ZNF385B: variants seen among roughly 807,000 people sequenced by gnomAD.
The protein encoded by ZNF385B is zinc finger protein 385B.
In ZNF385B, 23 loss-of-function variants were observed where a neutral mutation model predicts 39.2. The ratio of observed to expected loss-of-function variants is 0.59; its 90% CI spans 0.42 to 0.83. The LOEUF is 0.83. ZNF385B is among the 40% of genes least tolerant of loss of function. ZNF385B has a pLI of 0.00. For synonymous variants in ZNF385B, 205 were observed against 222.6 expected, an observed-to-expected ratio of 0.92 and a Z score of 0.70; for missense variants, 552 against 598.9, an observed-to-expected ratio of 0.92 and a Z score of 0.82.
chr2:179,647,743 T>C (rs1023291560), intron 3 of ZNF385B, among the ~76,000 whole-genome samples: 1 of 152,152 alleles, frequency 6.6e-6, no homozygotes, highest in Non-Finnish European at 1.5e-5. Context: ...TAATCACTGA[T>C]TACTCTCACT....
intron 3 of ZNF385B, among the ~76,000 whole-genome samples, chr2:179,664,987 A>C (rs571016748): frequency 2.0e-5 from 3 of 152,318 alleles, no homozygotes; most frequent in African/African-American, 7.2e-5. Context: ...ACAGTTTATA[A>C]AAACTTGGAT....
At chr2:179,738,375 A>T (rs1701892289) in intron 3 of ZNF385B, among the ~76,000 whole-genome samples, 1 of 152,130 alleles carries the variant, frequency 6.6e-6, no homozygotes, top group Non-Finnish European at 1.5e-5. Context: ...TCTGCATTTC[A>T]CCCAAACTCC....
intron 3 of ZNF385B, among the ~76,000 whole-genome samples, chr2:179,698,227 A>C (rs1482166590): frequency 6.6e-6 from 1 of 152,222 alleles, no homozygotes; most frequent in Non-Finnish European, 1.5e-5. Context: ...TACATATACA[A>C]AAGATAGTTT....
intron 1 of ZNF385B, among the ~76,000 whole-genome samples, chr2:179,794,599 T>C (rs1198358153): frequency 6.6e-6 from 1 of 152,200 alleles, no homozygotes; most frequent in Non-Finnish European, 1.5e-5. Flanking sequence ...ACTGTTTGAT[T>C]CTTACGATTT....
chr2:179,518,511 G>A lies in ZNF385B; in HGVS notation c.552+17C>T. ...GCTCTGACAAACTACAGAGAATAAT[G>A]AAAAGGTGATACTCACATCTGAGTT... On this transcript the variant is annotated intron_variant, in intron 5 of 9. Transcript: ENST00000410066. 6.5e-7 allele frequency: 1 copy of A among 1,528,058 alleles called. No individual in the cohort carries two copies. The highest frequency in any genetic ancestry group is 1.2e-5 in the South Asian group (1 of 85,034). The allele number at this position is 1,528,058 out of a possible 1,614,324, so 94.7% of individuals were successfully genotyped here. A position where few individuals can be genotyped will look rare whatever the true frequency, so the allele number is the denominator to read the frequency against.
chr2:179,715,096 T>A (rs1020836351), intron 3 of ZNF385B, among the ~76,000 whole-genome samples: 1 of 152,082 alleles, frequency 6.6e-6, no homozygotes, highest in Non-Finnish European at 1.5e-5. Flanking sequence ...ATTAAACACA[T>A]CTATACACAT....
chr2:179,792,294 C>T (rs1170583322), intron 1 of ZNF385B, among the ~76,000 whole-genome samples: 1 of 151,708 alleles, frequency 6.6e-6, no homozygotes, highest in Non-Finnish European at 1.5e-5. Context: ...TTTGTGTGTG[C>T]CTTTTCTGAG....
chr2:179,775,501 AT>A lies in ZNF385B; in HGVS notation c.-154-4830del, dbSNP rs144627121. Among the ~76,000 whole-genome samples the A allele has an allele frequency of 6.8e-3, 1,032 of 152,170 alleles. 6 individuals are homozygous for A. The highest frequency in any genetic ancestry group is 0.024 in the African/African-American group (980 of 41,520). Reference sequence around the variant, plus strand: ...TTTCACTAGACAGTTCATTGGTCTCATTTTTTTCCCCAAGTACTTACTGGCA... The same window carrying A: ...TTTCACTAGACAGTTCATTGGTCTCATTTTTTCCCCAAGTACTTACTGGCA... On this transcript the variant is annotated intron_variant, in intron 1 of 9. Coordinates refer to ENST00000410066, the MANE Select transcript of ZNF385B (RefSeq NM_152520.6).
At chr2:179,834,169 T>C (rs923327305) in intron 1 of ZNF385B, among the ~76,000 whole-genome samples, 2 of 152,112 alleles carry the variant, frequency 1.3e-5, no homozygotes, top group Non-Finnish European at 2.9e-5. Flanking sequence ...TGAATAGTAC[T>C]AAAAGCAATG....
chr2:179,493,612 C>CATATATGTGT lies in ZNF385B; in HGVS notation c.553-10179_553-10178insACACATATAT, dbSNP rs1491354274. 3.5e-5 allele frequency among the ~76,000 whole-genome samples: 4 copies of CATATATGTGT among 113,388 alleles called. No homozygotes were observed. The East Asian group carries it at 1.8e-3, about 50-fold the overall frequency. The allele number at this position is 113,388 out of a possible 152,430, so 74.4% of individuals were successfully genotyped here. Reference sequence around the variant, plus strand: ...ACATATATGCGTATACATATATGTACGTACATATATGTATACGCATATGTA... The same window carrying CATATATGTGT: ...ACATATATGCGTATACATATATGTACATATATGTGTGTACATATATGTATACGCATATGTA... On this transcript the variant is annotated intron_variant, in intron 5 of 9. Coordinates refer to ENST00000410066, the MANE Select transcript of ZNF385B (RefSeq NM_152520.6).
intron 6 of ZNF385B, among the ~76,000 whole-genome samples, chr2:179,467,906 A>G (rs541559438): frequency 1.3e-5 from 2 of 152,316 alleles, no homozygotes; most frequent in East Asian, 3.9e-4. Flanking sequence ...CCAGCCCTGC[A>G]TCATACTCAC....
chr2:179,528,246 G>A (rs892071626), intron 4 of ZNF385B, among the ~76,000 whole-genome samples: 2 of 152,160 alleles, frequency 1.3e-5, no homozygotes, highest in African/African-American at 2.4e-5. Flanking sequence ...CAAGTAGCAA[G>A]ACAACTGATC....
chr2:179,831,538 T>A (rs956251758), intron 1 of ZNF385B, among the ~76,000 whole-genome samples: 4 of 152,154 alleles, frequency 2.6e-5, no homozygotes, highest in Non-Finnish European at 5.9e-5. Context: ...AATTAAGATT[T>A]TTTGTTTTTA....
intron 6 of ZNF385B, among the ~76,000 whole-genome samples, chr2:179,464,144 G>A (rs996267361): frequency 6.6e-6 from 1 of 152,160 alleles, no homozygotes; most frequent in Non-Finnish European, 1.5e-5. Context: ...CTGCATAAAT[G>A]ACTTCTTTTG....
chr2:179,837,662 C>G (rs553930602), intron 1 of ZNF385B, among the ~76,000 whole-genome samples: 1 of 152,140 alleles, frequency 6.6e-6, no homozygotes, highest in Non-Finnish European at 1.5e-5. Flanking sequence ...TGAGGGTATT[C>G]GAGTTTACGC....
At chr2:179,755,376 T>C (rs1175555731) in intron 3 of ZNF385B, among the ~76,000 whole-genome samples, 2 of 152,204 alleles carry the variant, frequency 1.3e-5, no homozygotes, top group Admixed American at 1.3e-4. Context: ...TTGGAATAAG[T>C]GCAATGTGGT....
At chr2:179,795,665 A>G (rs1317293871) in intron 1 of ZNF385B, among the ~76,000 whole-genome samples, 1 of 152,220 alleles carries the variant, frequency 6.6e-6, no homozygotes, top group African/African-American at 2.4e-5. Context: ...TTAAGAATTT[A>G]TTTTCGCTAA....
rs182026164 is a variant in ZNF385B at position 179,556,561 on chromosome 2, C to A, written c.299-11592G>T. Among the ~76,000 whole-genome samples the A allele has an allele frequency of 1.0e-3, 149 of 149,694 alleles. 4 individuals are homozygous for A. The highest frequency in any genetic ancestry group is 8.9e-5 in the Non-Finnish European group (6 of 67,712). On this transcript the variant is annotated intron_variant, in intron 3 of 9. Coordinates refer to ENST00000410066, the MANE Select transcript of ZNF385B (RefSeq NM_152520.6). Reference sequence around the variant, plus strand: ...CTAAATTACTAAGTCTTTGGAGAAGCCAAAATTATCTCCAGACAGGGCTTT... The same window carrying A: ...CTAAATTACTAAGTCTTTGGAGAAGACAAAATTATCTCCAGACAGGGCTTT...
chr2:179,591,104 TAC>T (rs143269141), intron 3 of ZNF385B, among the ~76,000 whole-genome samples: 170 of 149,800 alleles, frequency 1.1e-3, no homozygotes, highest in African/African-American at 3.0e-3. Context: ...ATGATTCATT[TAC>T]ACACACACAC....
Sources: gnomAD v4.1 joint callset for allele counts (sites outside exome capture counted in the v4.1 genomes callset) on GRCh38, gnomAD v4.1.1 for gene constraint, MANE v1.5 for transcripts, NCBI Gene and HGNC (gene_info 2026-07-23, HGNC 2026-07-21) for gene names.